The following SLC18A1 variants were observed in gnomAD, a reference collection of about 807,000 sequenced individuals.
The protein encoded by SLC18A1 is solute carrier family 18 member A1.
A neutral mutation model predicts 53.7 loss-of-function variants in SLC18A1; 69 were observed. That is an observed-to-expected ratio of 1.28 (90% CI 1.06 to 1.57). The LOEUF (loss-of-function observed/expected upper bound fraction) is 1.57, where lower values mean the gene tolerates loss of function less well. SLC18A1 is among the 40% of genes most tolerant of loss of function. The pLI, the probability that SLC18A1 is intolerant of heterozygous loss-of-function variation, is 0.00. For synonymous variants in SLC18A1, 320 were observed against 248.1 expected, an observed-to-expected ratio of 1.29 and a Z score of -2.72; for missense variants, 932 against 668.1, an observed-to-expected ratio of 1.40 and a Z score of -4.35.
In SLC18A1 at chr8:20,179,461, A is replaced by T; in HGVS notation, c.148T>A (p.Tyr50Asn). The T allele has an allele frequency of 1.2e-6, 2 of 1,612,336 alleles. No homozygotes were observed. Among genetic ancestry groups the T allele is most frequent in the Non-Finnish European group, 1.7e-6 (2 of 1,179,104 alleles). ...VVVPIVPTFLYDMEFKEVNSS... is the reference protein window; with the variant it reads ...VVVPIVPTFLNDMEFKEVNSS... ...TTGACTTCTTTGAACTCCATGTCAT[A>T]TAGGAAGGTGGGCACAATTGGCACT... The change falls in exon 3 of 16, where the codon TAT (tyrosine) becomes AAT (asparagine). Residue 50 changes from tyrosine (Y) to asparagine (N), a missense_variant. Tyr to Asn is a moderately radical substitution (Grantham distance 143). Coordinates refer to ENST00000276373, the MANE Select transcript of SLC18A1 (RefSeq NM_003053.4).
rs2128865667 is a variant in SLC18A1, at chr8:20,145,702, C to T, written c.*61G>A. 3 of 1,100,084 alleles carry T rather than the reference C, an allele frequency of 2.7e-6. No individual in the cohort carries two copies. The highest frequency in any genetic ancestry group is 1.6e-5 in the African/African-American group (1 of 64,018). 68.1% of individuals were successfully genotyped at this position (1,100,084 alleles called of 1,614,324 possible). A position where few individuals can be genotyped will look rare whatever the true frequency, so the allele number is the denominator to read the frequency against. On this transcript the variant is annotated 3_prime_UTR_variant, in exon 16 of 16. Coordinates refer to ENST00000276373, the MANE Select transcript of SLC18A1 (RefSeq NM_003053.4). ...GAGCCGTGGGCTCAGCCATGGTGATCTGGTCCCAGGGAAAGAGGTGGTCAC... is the reference window on the plus strand; with the variant it reads ...GAGCCGTGGGCTCAGCCATGGTGATTTGGTCCCAGGGAAAGAGGTGGTCAC...
chr8:20,148,603 G>C (rs1456295347), intron 12 of SLC18A1: 1 of 525,866 alleles, frequency 1.9e-6, no homozygotes. Flanking sequence ...TGGGTCCCCT[G>C]TCAGGAAGCT....
chr8:20,155,320 G>C (rs576236854), intron 10 of SLC18A1, among the ~76,000 whole-genome samples: 2 of 152,166 alleles, frequency 1.3e-5, no homozygotes, highest in African/African-American at 4.8e-5. Flanking sequence ...GGAAAATACC[G>C]AGCACCTGTC....
At chr8:20,165,855 T>C (rs1477723254) in intron 8 of SLC18A1, among the ~76,000 whole-genome samples, 1 of 152,184 alleles carries the variant, frequency 6.6e-6, no homozygotes, top group East Asian at 1.9e-4. Flanking sequence ...AGCTGGGGCT[T>C]CTCTCTCTTC....
At chr8:20,172,326 G>C (rs1310638614) in intron 6 of SLC18A1, among the ~76,000 whole-genome samples, 1 of 152,224 alleles carries the variant, frequency 6.6e-6, no homozygotes, top group Non-Finnish European at 1.5e-5. Flanking sequence ...TGTTTCCTCT[G>C]CTTCCCATGG....
chr8:20,176,719 A>G (rs1179435362), intron 4 of SLC18A1, among the ~76,000 whole-genome samples: 1 of 152,214 alleles, frequency 6.6e-6, no homozygotes, highest in East Asian at 1.9e-4. Context: ...TTTGGTTAGA[A>G]TTAGGCCAAC....
chr8:20,181,018 G>C lies in SLC18A1; in HGVS notation c.-54C>G, dbSNP rs1261494959. On this transcript the variant is annotated 5_prime_UTR_variant, in exon 2 of 16. Transcript: ENST00000276373. ...CCTGCGGGCTCTTAGGGAAGGTCCT[G>C]TGACAGCTACAGGTCTCCTGCAGCC... 6.5e-7 allele frequency: 1 copy of C among 1,537,864 alleles called. No homozygotes were observed. The highest frequency in any genetic ancestry group is 2.5e-5 in the East Asian group (1 of 40,696).
intron 10 of SLC18A1, among the ~76,000 whole-genome samples, chr8:20,158,249 A>G (rs2071730189): frequency 6.6e-6 from 1 of 152,168 alleles, no homozygotes; most frequent in African/African-American, 2.4e-5. Flanking sequence ...ACTATCTGAG[A>G]GGTCCTAGGA....
intron 12 of SLC18A1, 66 bp downstream of exon 12, chr8:20,149,610 C>CTG (rs2071495993): frequency 7.3e-6 from 9 of 1,238,946 alleles, no homozygotes; most frequent in African/African-American, 7.2e-5. Context: ...CTCTCTCTCT[C>CTG]TCTCTCTGTC....
At chr8:20,177,642 A>C (rs1168150712) in intron 4 of SLC18A1, among the ~76,000 whole-genome samples, 1 of 152,056 alleles carries the variant, frequency 6.6e-6, no homozygotes, top group African/African-American at 2.4e-5. Flanking sequence ...GTATAATTAA[A>C]AAGAAAAGAA....
At chr8:20,158,540 CT>C (rs1437784720) in intron 10 of SLC18A1, among the ~76,000 whole-genome samples, 1 of 152,068 alleles carries the variant, frequency 6.6e-6, no homozygotes, top group Non-Finnish European at 1.5e-5. Context: ...AGGATTCCAC[CT>C]CCTTTCCCTA....
intron 11 of SLC18A1, among the ~76,000 whole-genome samples, chr8:20,150,174 C>T (rs574230046): frequency 6.6e-6 from 1 of 152,204 alleles, no homozygotes; most frequent in South Asian, 2.1e-4. Context: ...CTTCTAAAAT[C>T]TTGATGCTAA....
At chr8:20,159,006 A>G (rs1047809893) in intron 10 of SLC18A1, among the ~76,000 whole-genome samples, 1 of 152,124 alleles carries the variant, frequency 6.6e-6, no homozygotes, top group Non-Finnish European at 1.5e-5. Flanking sequence ...TAGGCTATAC[A>G]TTTCAATCTC....
Position 20,145,491 on chromosome 8 carries a change from T to C in SLC18A1, c.*272A>G, listed in dbSNP as rs1585183310. Reference sequence around the variant, plus strand: ...CACCCCTTGCAGAACCCGTCACAGCTCAAGTTTAATCAACCTCACAGCAGC... The same window carrying C: ...CACCCCTTGCAGAACCCGTCACAGCCCAAGTTTAATCAACCTCACAGCAGC... On this transcript the variant is annotated 3_prime_UTR_variant, in exon 16 of 16. Transcript: ENST00000276373. 2.8e-5 allele frequency: 8 copies of C among 290,854 alleles called. No homozygotes were observed. The East Asian group carries it at 5.1e-4, about 19-fold the overall frequency. The allele number at this position is 290,854 out of a possible 1,614,324, so 18.0% of individuals were successfully genotyped here.
chr8:20,156,800 A>C (rs1327421329), intron 10 of SLC18A1, among the ~76,000 whole-genome samples: 7 of 152,236 alleles, frequency 4.6e-5, no homozygotes, highest in Admixed American at 6.5e-5. Flanking sequence ...CCTAGTGGGC[A>C]AAAACTCTAT....
intron 10 of SLC18A1, among the ~76,000 whole-genome samples, chr8:20,159,157 T>C (rs1344857027): frequency 1.3e-5 from 2 of 152,100 alleles, no homozygotes; most frequent in African/African-American, 4.8e-5. Context: ...TAGCCCATGC[T>C]CCAATGTTGA....
intron 10 of SLC18A1, among the ~76,000 whole-genome samples, chr8:20,160,805 T>C (rs1272667344): frequency 6.6e-6 from 1 of 152,170 alleles, no homozygotes; most frequent in Non-Finnish European, 1.5e-5. Context: ...CACCAGCATC[T>C]GCTTGGCCAT....
intron 10 of SLC18A1, among the ~76,000 whole-genome samples, chr8:20,155,022 G>C (rs551463810): frequency 1.3e-5 from 2 of 152,154 alleles, no homozygotes; most frequent in Non-Finnish European, 2.9e-5. Flanking sequence ...CTGAACACTA[G>C]TCACTGCATT....
At chr8:20,148,575 G>A in intron 12 of SLC18A1, 1 of 785,304 alleles carries the variant, frequency 1.3e-6, no homozygotes, top group Non-Finnish European at 1.9e-6. Context: ...TAAGCTAGAG[G>A]GGGCAGGTGG....
Sources: gnomAD v4.1 joint callset for allele counts (sites outside exome capture counted in the v4.1 genomes callset) on GRCh38, gnomAD v4.1.1 for gene constraint, MANE v1.5 for transcripts, NCBI Gene and HGNC (gene_info 2026-07-23, HGNC 2026-07-21) for gene names.